Variants in MALRD1 observed in about 807,000 individuals in gnomAD.
MALRD1 encodes MAM and LDL receptor class A domain containing 1, also known as MAM and LDL-receptor class A domain-containing protein 1.
Under a neutral mutation model 242.1 loss-of-function variants are expected in MALRD1, and 247 were observed. The ratio of observed to expected loss-of-function variants is 1.02; its 90% CI spans 0.92 to 1.13. The LOEUF is 1.13. MALRD1 is among the 50% of genes most tolerant of loss of function. MALRD1 has a pLI of 0.00. For synonymous variants in MALRD1, 995 were observed against 866.6 expected (o/e 1.15, Z -2.60); for missense variants, 2,989 against 2,533.1 (o/e 1.18, Z -3.86).
chr10:19,348,460 T>A (rs975831117), intron 25 of MALRD1, among the ~76,000 whole-genome samples: 87 of 151,464 alleles, frequency 5.7e-4, no homozygotes, highest in African/African-American at 2.0e-3. Context: ...CAAAAAAAAA[T>A]TGTTGAGTAA....
intron 7 of MALRD1, among the ~76,000 whole-genome samples, chr10:19,126,731 G>T (rs12358618): frequency 0.15 from 22,572 of 150,818 alleles, 2,062 homozygotes; most frequent in East Asian, 0.25. Flanking sequence ...ATTTTTTGGG[G>T]GTAGCAGTAA....
chr10:19,562,249 C>T (rs989147072), intron 32 of MALRD1, among the ~76,000 whole-genome samples: 5 of 151,882 alleles, frequency 3.3e-5, no homozygotes, highest in African/African-American at 7.3e-5. Context: ...GAGCCAAGAT[C>T]GCGCCACTGT....
intron 5 of MALRD1, among the ~76,000 whole-genome samples, chr10:19,115,930 T>C (rs1308389007): frequency 6.6e-6 from 1 of 152,148 alleles, no homozygotes. Flanking sequence ...ATAAAACTGC[T>C]TAGTATTAGG....
In MALRD1 at chr10:19,329,780, T is replaced by C. The variant is rs565876679; in HGVS notation, c.3688-1589T>C. ...GTCTGAAGAAAGATACATTGTAGTT[T>C]CTCTCTTTTTTAATAACAGTTAATC... On this transcript the variant is annotated intron_variant, in intron 23 of 39. Transcript: ENST00000454679. 7.9e-5 allele frequency among the ~76,000 whole-genome samples: 12 copies of C among 152,278 alleles called. 1 individual carries two copies. In the South Asian group the frequency reaches 2.3e-3, roughly 29 times the overall value.
Position 19,387,611 on chromosome 10 carries a change from G to A in MALRD1, c.4525G>A (p.Gly1509Arg), listed in dbSNP as rs1198049389. The A allele has an allele frequency of 6.4e-7, 1 of 1,550,390 alleles. No individual in the cohort carries two copies. Among genetic ancestry groups the A allele is most frequent in the African/African-American group, 1.4e-5 (1 of 73,134 alleles). ...AAGCTGTAACTTCGTAGATAACTGT[G>A]GAGATAATACTGATGAAAATGAGTG... ...EQSCNFVDNC[G>R]DNTDENECGS... Residue 1509 changes from glycine (G) to arginine (R), a missense_variant, in exon 27 of 40, where the codon GGA (glycine) becomes AGA (arginine). Physicochemically the swap from Gly to Arg is moderately radical, Grantham distance 125. Transcript: ENST00000454679.
chr10:19,202,716 T>G (rs1002344852), intron 14 of MALRD1, among the ~76,000 whole-genome samples: 1 of 152,202 alleles, frequency 6.6e-6, no homozygotes, highest in African/African-American at 2.4e-5. Context: ...GAAAATGAAC[T>G]TCATTTTGCG....
rs1184867493 is a variant in MALRD1 at position 19,209,460 on chromosome 10, A to G, written c.2771A>G (p.Asp924Gly). The change falls in exon 18 of 40, where the codon GAC becomes GGC. Residue 924 changes from aspartate to glycine, a missense_variant. Asp to Gly is a moderately conservative substitution (Grantham distance 94). Coordinates refer to ENST00000454679, the MANE Select transcript of MALRD1 (RefSeq NM_001142308.3). ...TCTTCAGAGCCACAGGCTTTTCAAG[A>G]CAGTGCTGCCTTACTCAGCCCAATC... Reference protein sequence around the residue: ...IESSEPQAFQDSAALLSPILN... With the variant: ...IESSEPQAFQGSAALLSPILN... The G allele has an allele frequency of 3.9e-6, 6 of 1,550,888 alleles. No homozygotes were observed. Among genetic ancestry groups the G allele is most frequent in the Middle Eastern group, 1.7e-4 (1 of 5,998 alleles).
At chr10:19,573,329 A>G (rs779583235) in intron 33 of MALRD1, among the ~76,000 whole-genome samples, 6 of 152,152 alleles carry the variant, frequency 3.9e-5, no homozygotes, top group Non-Finnish European at 7.4e-5. Context: ...CATGGCAGGC[A>G]TGGTGGATCA....
chr10:19,456,780 T>TTTAC lies in MALRD1; in HGVS notation c.5029+6293_5029+6294insCTTA, dbSNP rs1226802468. On this transcript the variant is annotated intron_variant, in intron 29 of 39. Transcript: ENST00000454679. ...ATTTATTTATTTATTTATTTATTTATTTATTTATTTTGAGACAGAGTCTCG... is the reference window on the plus strand; with the variant it reads ...ATTTATTTATTTATTTATTTATTTATTTACTTATTTATTTTGAGACAGAGTCTCG... Among the ~76,000 whole-genome samples the TTTAC allele has an allele frequency of 2.7e-4, 40 of 147,404 alleles. No homozygotes were observed. In the East Asian group the frequency reaches 7.4e-3, roughly 27 times the overall value.
intron 32 of MALRD1, among the ~76,000 whole-genome samples, chr10:19,552,962 T>G (rs955165684): frequency 2.0e-5 from 3 of 152,124 alleles, no homozygotes; most frequent in African/African-American, 7.2e-5. Flanking sequence ...AATTTTAATA[T>G]GCAAGTGTTT....
intron 21 of MALRD1, among the ~76,000 whole-genome samples, chr10:19,307,197 C>T (rs1477844244): frequency 2.0e-5 from 3 of 151,354 alleles, no homozygotes; most frequent in Non-Finnish European, 3.0e-5. Context: ...ATACTTTGGT[C>T]GGACATAACT....
At chr10:19,603,468 T>C (rs904164574) in intron 34 of MALRD1, among the ~76,000 whole-genome samples, 54 of 152,330 alleles carry the variant, frequency 3.5e-4, no homozygotes, top group African/African-American at 1.3e-3. Context: ...CCTCATTTCT[T>C]GTTTTTGTCA....
At chr10:19,733,701 G>A (rs924653118) in intron 39 of MALRD1, among the ~76,000 whole-genome samples, 41 of 146,548 alleles carry the variant, frequency 2.8e-4, no homozygotes, top group Admixed American at 2.2e-3. Flanking sequence ...AATTTCCCAC[G>A]TTTTATATTA....
intron 28 of MALRD1, among the ~76,000 whole-genome samples, chr10:19,446,183 G>C (rs1476475320): frequency 6.6e-6 from 1 of 151,862 alleles, no homozygotes; most frequent in East Asian, 1.9e-4. Context: ...TGTACCGTCT[G>C]TCATGGCTTC....
intron 1 of MALRD1, among the ~76,000 whole-genome samples, chr10:19,049,423 G>T (rs948607810): frequency 6.6e-6 from 1 of 152,172 alleles, no homozygotes; most frequent in Non-Finnish European, 1.5e-5. Flanking sequence ...TTAATGTTAC[G>T]TGAGTGAAAC....
Position 19,343,708 on chromosome 10 carries a change from T to G in MALRD1, c.3902-4063T>G, listed in dbSNP as rs145588986. Among the ~76,000 whole-genome samples, 1,100 of 152,220 alleles carry G rather than the reference T, an allele frequency of 7.2e-3. 19 individuals carry two copies. The highest frequency in any genetic ancestry group is 0.025 in the African/African-American group (1,032 of 41,570). Reference sequence around the variant, plus strand: ...CGTTTTCCTTTGTATTGCTTAGTCATGTTTCATGCTATTGAGGTAACCATA... The same window carrying G: ...CGTTTTCCTTTGTATTGCTTAGTCAGGTTTCATGCTATTGAGGTAACCATA... On this transcript the variant is annotated intron_variant, in intron 24 of 39. Transcript: ENST00000454679.
chr10:19,237,745 A>G (rs1399463484), intron 18 of MALRD1, among the ~76,000 whole-genome samples: 1 of 116,692 alleles, frequency 8.6e-6, no homozygotes, highest in Non-Finnish European at 1.7e-5. Flanking sequence ...TATATAATTT[A>G]TATATAAAAC....
chr10:19,402,031 A>G (rs540506087), intron 28 of MALRD1, among the ~76,000 whole-genome samples: 1 of 152,202 alleles, frequency 6.6e-6, no homozygotes, highest in Non-Finnish European at 1.5e-5. Context: ...AAACTACGTG[A>G]TATCTAAAAT....
At chr10:19,622,188 A>T (rs1839433775) in intron 36 of MALRD1, among the ~76,000 whole-genome samples, 1 of 134,130 alleles carries the variant, frequency 7.5e-6, no homozygotes, top group South Asian at 2.3e-4. Flanking sequence ...AATTATTAAG[A>T]ATCAGAAAAG....
Sources: gnomAD v4.1 joint callset for allele counts (sites outside exome capture counted in the v4.1 genomes callset) on GRCh38, gnomAD v4.1.1 for gene constraint, MANE v1.5 for transcripts, NCBI Gene and HGNC (gene_info 2026-07-23, HGNC 2026-07-21) for gene names.